Variants in DMRTC2 observed in about 807,000 individuals in gnomAD.
DMRTC2 encodes the protein doublesex- and mab-3-related transcription factor C2.
Under a neutral mutation model 39.9 loss-of-function variants are expected in DMRTC2, and 13 were observed. The ratio of observed to expected loss-of-function variants is 0.33; its 90% CI spans 0.21 to 0.52. The LOEUF (loss-of-function observed/expected upper bound fraction) is 0.52, where lower values mean the gene tolerates loss of function less well. Ranked by LOEUF, DMRTC2 falls within the 20% of genes least tolerant of loss-of-function variation. The pLI, the probability that DMRTC2 is intolerant of heterozygous loss-of-function variation, is 0.96. For synonymous variants in DMRTC2, 189 were observed against 185.2 expected (o/e 1.02, Z -0.17); for missense variants, 431 against 472.8 (o/e 0.91, Z 0.82).
chr19:41,849,317 T>C, intron 6 of DMRTC2, 61 bp downstream of exon 6: 1 of 1,583,194 alleles, frequency 6.3e-7, no homozygotes, highest in Non-Finnish European at 8.6e-7. Flanking sequence ...CCAACCACAG[T>C]GCTGGTGTCC....
chr19:41,846,575 A>AT (rs199909588), intron 1 of DMRTC2, among the ~76,000 whole-genome samples: 4 of 150,394 alleles, frequency 2.7e-5, no homozygotes, highest in Non-Finnish European at 4.4e-5. Flanking sequence ...TTAAAAAAAA[A>AT]TTTTTTTTTT....
In DMRTC2 at chr19:41,851,933, G is replaced by A; in HGVS notation, c.*237G>A. On this transcript the variant is annotated 3_prime_UTR_variant, in exon 9 of 9. Coordinates refer to ENST00000269945, the MANE Select transcript of DMRTC2 (RefSeq NM_001040283.3). ...CAGTGGATATTCTTGTACCCTTCTT[G>A]GGTCCTGGGATCTCTTGAAATCCCC... is the stretch of plus-strand genomic sequence containing the variant. 1.8e-6 allele frequency: 1 copy of A among 544,560 alleles called. No homozygotes were observed. Among genetic ancestry groups the A allele is most frequent in the Non-Finnish European group, 3.3e-6 (1 of 305,694 alleles). 33.7% of individuals were successfully genotyped at this position (544,560 alleles called of 1,614,324 possible).
rs782248520 is a variant in DMRTC2 at position 41,847,662 on chromosome 19, A to T, written c.224+10A>T. 6.2e-7 allele frequency: 1 copy of T among 1,613,844 alleles called. No individual in the cohort carries two copies. The highest frequency in any genetic ancestry group is 1.7e-5 in the Admixed American group (1 of 59,980). On this transcript the variant is annotated intron_variant, in intron 2 of 8. Transcript: ENST00000269945. ...AATGTGTCCTCATCCTGTGAGTATG[A>T]GGTCTGGGAGGGGAGGAGGATGAGC...
At position 41,848,878 on chromosome 19, in the gene DMRTC2, C is replaced by G; in HGVS notation, c.531C>G (p.Val177=). Residue 177 remains valine (V), a synonymous_variant, in exon 5 of 9, where the codon GTC becomes GTG. Transcript: ENST00000269945. ...CTCCGGTGCCTCCTGGCCCTTGGGT[C>G]CCTGGACACTGGCTGCCTCCAGGCT... ...SWTPVPPGPW[V]PGHWLPPGFS... 1 of 1,613,120 alleles carries G rather than the reference C, an allele frequency of 6.2e-7. No individual in the cohort carries two copies. The highest frequency in any genetic ancestry group is 8.5e-7 in the Non-Finnish European group (1 of 1,180,030).
chr19:41,848,610 G>T (rs1568779208), intron 4 of DMRTC2, 82 bp downstream of exon 4: 1 of 1,365,254 alleles, frequency 7.3e-7, no homozygotes, highest in African/African-American at 1.4e-5. Context: ...TCAACACCTG[G>T]GTTCTAGCCC....
chr19:41,851,313 A>G, intron 8 of DMRTC2: 1 of 416,918 alleles, frequency 2.4e-6, no homozygotes, highest in Non-Finnish European at 4.3e-6. Context: ...TTAGGTGTCT[A>G]GAACAGCAAC....
In DMRTC2 at chr19:41,849,110, C is replaced by G. The variant is rs2073915818; in HGVS notation, c.629-20C>G. 3 of 1,614,044 alleles carry G rather than the reference C, an allele frequency of 1.9e-6. No homozygotes were observed. Among genetic ancestry groups the G allele is most frequent in the Non-Finnish European group, 2.5e-6 (3 of 1,179,928 alleles). On this transcript the variant is annotated intron_variant, in intron 5 of 8. Transcript: ENST00000269945. ...ATGACCTTGGCCCCTATACACTCTG[C>G]ATTCTTTTATTCTTATTAGGCTTTG...
In DMRTC2 at chr19:41,852,295, TTC is replaced by T. The variant is rs1198277224; in HGVS notation, c.*601_*602del. 1 of 152,250 alleles carries T rather than the reference TTC, an allele frequency of 6.6e-6. No individual in the cohort carries two copies. The highest frequency in any genetic ancestry group is 1.5e-5 in the Non-Finnish European group (1 of 68,070). 9.4% of individuals were successfully genotyped at this position (152,250 alleles called of 1,614,324 possible). The stretch of plus-strand genomic sequence containing the variant: ...TAGATGAAAACAAACTTGGATTTTT[TTC>T]TTTGTCCAAATAAAAAAAAATGATG... On this transcript the variant is annotated 3_prime_UTR_variant, in exon 9 of 9. Coordinates refer to ENST00000269945, the MANE Select transcript of DMRTC2 (RefSeq NM_001040283.3).
intron 3 of DMRTC2, 25 bp downstream of exon 3, chr19:41,847,906 G>T: frequency 1.3e-6 from 2 of 1,565,062 alleles, no homozygotes; most frequent in Non-Finnish European, 1.7e-6. Context: ...CCAGCGATGG[G>T]GCAGGAGTTT....
intron 8 of DMRTC2, chr19:41,851,382 C>A: frequency 5.3e-6 from 3 of 563,846 alleles, no homozygotes; most frequent in Non-Finnish European, 6.3e-6. Flanking sequence ...ATTCAGAGAC[C>A]CTGAGCTTTA....
At chr19:41,849,541 T>C (rs1008905095) in intron 6 of DMRTC2, among the ~76,000 whole-genome samples, 1 of 152,252 alleles carries the variant, frequency 6.6e-6, no homozygotes. Flanking sequence ...GCACAGACTC[T>C]TTAATGGTAG....
At position 41,851,811 on chromosome 19, in the gene DMRTC2, C is replaced by A; in HGVS notation, c.*115C>A. 1 of 936,234 alleles carries A rather than the reference C, an allele frequency of 1.1e-6. No homozygotes were observed. The highest frequency in any genetic ancestry group is 1.6e-6 in the Non-Finnish European group (1 of 625,976). The allele number at this position is 936,234 out of a possible 1,614,324, so 58.0% of individuals were successfully genotyped here. On this transcript the variant is annotated 3_prime_UTR_variant, in exon 9 of 9. Coordinates refer to ENST00000269945, the MANE Select transcript of DMRTC2 (RefSeq NM_001040283.3). ...ATGGAATTTAATGTAGTACAAGCTT[C>A]GGGCTTTTTTGTTTGTTTGTTTGTT...
intron 6 of DMRTC2, 22 bp from the exon 7 acceptor site, chr19:41,850,290 C>T (rs1555836998): frequency 6.8e-7 from 1 of 1,481,228 alleles, no homozygotes; most frequent in Non-Finnish European, 9.0e-7. Context: ...ACCACCCTGG[C>T]ATCTTCTCTC....
rs782146252 is a variant in DMRTC2, at chr19:41,849,213, C to T, written c.712C>T (p.Pro238Ser). 43 of 1,614,060 alleles carry T rather than the reference C, an allele frequency of 2.7e-5. No homozygotes were observed. The highest frequency in any genetic ancestry group is 4.0e-5 in the African/African-American group (3 of 74,920). Residue 238 changes from proline to serine, a missense_variant, in exon 6 of 9, where the codon CCT (proline) becomes TCT (serine). Transcript: ENST00000269945. ...CPGSHPVLTAPLSGEPQGPPS... is the reference protein window; with the variant it reads ...CPGSHPVLTASLSGEPQGPPS... ...AGGATCTCACCCAGTACTGACAGCT[C>T]CTCTTTCTGGAGAGCCCCAAGGGCC...
chr19:41,849,091 T>G (rs2073915247), intron 5 of DMRTC2, 39 bp from the exon 6 acceptor site: 1 of 1,613,494 alleles, frequency 6.2e-7, no homozygotes, highest in Non-Finnish European at 8.5e-7. Flanking sequence ...AACTATGACC[T>G]TGGCCCCTAT....
In DMRTC2 at chr19:41,850,530, C is replaced by G; in HGVS notation, c.821C>G (p.Ser274Cys). The G allele has an allele frequency of 1.2e-6, 2 of 1,611,754 alleles. No homozygotes were observed. The highest frequency in any genetic ancestry group is 1.7e-6 in the Non-Finnish European group (2 of 1,178,912). ...TTGTCTCCCTTTCCCTTGCAGGCCT[C>G]TGGAGCCTCGTGCCTGGCCCGGACA... Reference protein sequence around the residue: ...PDPLQLQPQASGASCLARTSG... With the variant: ...PDPLQLQPQACGASCLARTSG... Residue 274 changes from serine to cysteine, a missense_variant, in exon 8 of 9, where the codon TCT (serine) becomes TGT (cysteine). Coordinates refer to ENST00000269945, the MANE Select transcript of DMRTC2 (RefSeq NM_001040283.3).
rs919904494 is a variant in DMRTC2, at chr19:41,849,282, T to C, written c.755+26T>C. The C allele has an allele frequency of 3.7e-6, 6 of 1,612,754 alleles. No homozygotes were observed. The African/African-American group carries it at 4.0e-5, about 11-fold the overall frequency. On this transcript the variant is annotated intron_variant, in intron 6 of 8. Transcript: ENST00000269945. ...GTGAGTAGGGAGAGAAGGATGTGTA[T>C]CATAAGCCTAAGCCTGTGCTGTGTC...
upstream of DMRTC2, chr19:41,845,034 C>G (rs1230582272): frequency 2.0e-5 from 3 of 152,222 alleles, no homozygotes; most frequent in Non-Finnish European, 4.4e-5. Context: ...TTGGCGGTTC[C>G]TCTGGCCACT....
chr19:41,850,488 G>A lies in DMRTC2; in HGVS notation c.817-38G>A, dbSNP rs782048702. 172 of 1,588,916 alleles carry A rather than the reference G, an allele frequency of 1.1e-4. No individual in the cohort carries two copies. In the Admixed American group the frequency reaches 1.8e-3, roughly 17 times the overall value. The stretch of plus-strand genomic sequence containing the variant: ...GAACACTTAGAGGGTGGGCAGAAGC[G>A]GGGGTTCCCAGTCTGCTTGTCTCCC... On this transcript the variant is annotated intron_variant, in intron 7 of 8. Coordinates refer to ENST00000269945, the MANE Select transcript of DMRTC2 (RefSeq NM_001040283.3).
Sources: gnomAD v4.1 joint callset for allele counts (sites outside exome capture counted in the v4.1 genomes callset) on GRCh38, gnomAD v4.1.1 for gene constraint, MANE v1.5 for transcripts, NCBI Gene and HGNC (gene_info 2026-07-23, HGNC 2026-07-21) for gene names.